ROBO2: variants seen among roughly 807,000 people sequenced by gnomAD.
ROBO2 encodes roundabout homolog 2.
In ROBO2, 53 loss-of-function variants were observed where a neutral mutation model predicts 160.8. The observed-to-expected ratio is 0.33, with a 90% CI of 0.26 to 0.41. The LOEUF is 0.41. ROBO2 is among the 10% of genes least tolerant of loss of function. The pLI, the probability that ROBO2 is intolerant of heterozygous loss-of-function variation, is 1.00. For missense variants in ROBO2, 1,577 were observed against 1,722.4 expected (o/e 0.92, Z 1.49); for synonymous variants, 664 against 611.7 (o/e 1.09, Z -1.26).
In ROBO2 at chr3:76,376,638, A is replaced by C. The variant is rs115787966; in HGVS notation, c.109+439036A>C. On this transcript the variant is annotated intron_variant, in intron 2 of 26. Coordinates refer to the ROBO2 transcript ENST00000487694. ...CTCTAGCAATGGCTTTTGTGAAAAGAAAGTCTTTATTTTGCCAGGCTGGCC... is the reference window on the plus strand; with the variant it reads ...CTCTAGCAATGGCTTTTGTGAAAAGCAAGTCTTTATTTTGCCAGGCTGGCC... 6.1e-3 allele frequency among the ~76,000 whole-genome samples: 919 copies of C among 150,902 alleles called. 9 individuals are homozygous for C. The highest frequency in any genetic ancestry group is 0.018 in the African/African-American group (741 of 40,484).
rs143508282 is a variant in ROBO2 at position 76,749,017 on chromosome 3, C to T, written c.110-348997C>T. 1.1e-4 allele frequency among the ~76,000 whole-genome samples: 17 copies of T among 151,538 alleles called. No individual in the cohort carries two copies. In the East Asian group the frequency reaches 2.9e-3, roughly 26 times the overall value. ...TATTTATGATACACTAAAAATAATG[C>T]TATTATGGTAGAATATTTAATGACA... On this transcript the variant is annotated intron_variant, in intron 2 of 26. Coordinates refer to the ROBO2 transcript ENST00000487694.
chr3:76,769,401 G>A (rs907421303), intron 2 of ROBO2, among the ~76,000 whole-genome samples: 2 of 151,228 alleles, frequency 1.3e-5, no homozygotes, highest in Non-Finnish European at 3.0e-5. Flanking sequence ...ATGCTTTGAG[G>A]AGTAAAAACA....
chr3:76,184,893 T>G (rs546969620), intron 2 of ROBO2, among the ~76,000 whole-genome samples: 1 of 152,068 alleles, frequency 6.6e-6, no homozygotes. Flanking sequence ...TTGCCTTTTT[T>G]TCTGTTTTTG....
At chr3:77,346,697 T>C (rs1333551302) in intron 2 of ROBO2, among the ~76,000 whole-genome samples, 1 of 152,170 alleles carries the variant, frequency 6.6e-6, no homozygotes, top group East Asian at 1.9e-4. Context: ...GTTGCAGGAC[T>C]GAGATTCCCA....
intron 2 of ROBO2, among the ~76,000 whole-genome samples, chr3:76,781,861 G>T (rs1050827269): frequency 1.3e-5 from 2 of 150,622 alleles, no homozygotes; most frequent in African/African-American, 2.4e-5. Flanking sequence ...TGGTATCAGG[G>T]TAATTCTGTC....
chr3:76,304,836 CAG>C (rs2071257857), intron 2 of ROBO2, among the ~76,000 whole-genome samples: 2 of 144,562 alleles, frequency 1.4e-5, no homozygotes, highest in African/African-American at 5.2e-5. Flanking sequence ...AATGAAGAAA[CAG>C]TGAGAATTTT....
At chr3:76,871,281 G>A (rs1453025234) in intron 2 of ROBO2, among the ~76,000 whole-genome samples, 4 of 152,132 alleles carry the variant, frequency 2.6e-5, no homozygotes. Context: ...CTGGCCGGGC[G>A]CGGTGGCTCA....
At chr3:77,204,306 CT>C (rs540469902) in intron 2 of ROBO2, among the ~76,000 whole-genome samples, 112 of 151,128 alleles carry the variant, frequency 7.4e-4, no homozygotes, top group Middle Eastern at 3.4e-3. Flanking sequence ...AAATATGTTA[CT>C]TTTTTTTTAG....
intron 2 of ROBO2, among the ~76,000 whole-genome samples, chr3:76,569,612 T>C (rs568568256): frequency 6.6e-6 from 1 of 152,198 alleles, no homozygotes; most frequent in Non-Finnish European, 1.5e-5. Context: ...TTTAATAAAA[T>C]GTACCTTTGT....
intron 1 of ROBO2, among the ~76,000 whole-genome samples, chr3:77,079,095 C>T (rs1397804404): frequency 6.6e-6 from 1 of 151,966 alleles, no homozygotes; most frequent in African/African-American, 2.4e-5. Context: ...TACAGGTGCA[C>T]ACCACCATGC....
At chr3:77,370,643 T>C (rs565118595) in intron 2 of ROBO2, among the ~76,000 whole-genome samples, 2 of 152,252 alleles carry the variant, frequency 1.3e-5, no homozygotes, top group Non-Finnish European at 2.9e-5. Context: ...ACTGCCATTT[T>C]TTGGTATGAC....
Position 77,574,740 on chromosome 3 carries a change from C to G in ROBO2, c.2203+10C>G. 6.3e-7 allele frequency: 1 copy of G among 1,594,212 alleles called. No homozygotes were observed. Among genetic ancestry groups the G allele is most frequent in the African/African-American group, 1.3e-5 (1 of 74,542 alleles). On this transcript the variant is annotated intron_variant, in intron 14 of 25. Coordinates refer to ENST00000461745, the Ensembl canonical transcript of ROBO2. The stretch of plus-strand genomic sequence containing the variant: ...CGTACTACTGAAGAAGGTCAGTATT[C>G]AGATTTCGAATATAAATCAAACATG...
intron 2 of ROBO2, chr3:76,311,257 G>C (rs2071568487): frequency 6.6e-6 from 1 of 152,206 alleles, no homozygotes; most frequent in African/African-American, 2.4e-5. Flanking sequence ...GGAAGAGGAT[G>C]TGAGAAATTT....
At chr3:76,345,343 T>C (rs2074460150) in intron 2 of ROBO2, among the ~76,000 whole-genome samples, 1 of 151,914 alleles carries the variant, frequency 6.6e-6, no homozygotes. Flanking sequence ...ACTAGACTTT[T>C]CAAAATAGGT....
chr3:76,354,816 C>T (rs2075063119), intron 2 of ROBO2, among the ~76,000 whole-genome samples: 1 of 151,800 alleles, frequency 6.6e-6, no homozygotes, highest in African/African-American at 2.4e-5. Context: ...GCACAGATGT[C>T]TGTTTACATG....
intron 2 of ROBO2, among the ~76,000 whole-genome samples, chr3:76,252,876 G>T (rs1706122653): frequency 6.6e-6 from 1 of 151,678 alleles, no homozygotes; most frequent in African/African-American, 2.4e-5. Context: ...TCTAGGGGAG[G>T]CCTACAGGCT....
intron 2 of ROBO2, among the ~76,000 whole-genome samples, chr3:76,509,967 G>A (rs1469072388): frequency 4.6e-5 from 7 of 151,892 alleles, no homozygotes; most frequent in Admixed American, 3.3e-4. Flanking sequence ...ATGTCCCCAA[G>A]GCGAATATAG....
chr3:77,538,425 C>T (rs2092288908), intron 6 of ROBO2, among the ~76,000 whole-genome samples: 1 of 152,018 alleles, frequency 6.6e-6, no homozygotes, highest in Non-Finnish European at 1.5e-5. Context: ...GATCTGCCCG[C>T]CTTGGTCTCC....
intron 2 of ROBO2, among the ~76,000 whole-genome samples, chr3:76,430,075 ATGT>A (rs2076376647): frequency 2.0e-5 from 3 of 152,148 alleles, no homozygotes; most frequent in Non-Finnish European, 4.4e-5. Context: ...CAAAGGGGAT[ATGT>A]CTCTTCCTAG....
Sources: gnomAD v4.1 joint callset for allele counts (sites outside exome capture counted in the v4.1 genomes callset) on GRCh38, gnomAD v4.1.1 for gene constraint, MANE v1.5 for transcripts, NCBI Gene and HGNC (gene_info 2026-07-23, HGNC 2026-07-21) for gene names.